The following AFAP1 variants were observed in gnomAD, a reference collection of about 807,000 sequenced individuals.
AFAP1 encodes actin filament associated protein 1, also known as actin filament-associated protein 1.
Under a neutral mutation model 93.9 loss-of-function variants are expected in AFAP1, and 75 were observed. The ratio of observed to expected loss-of-function variants is 0.80; its 90% confidence interval spans 0.66 to 0.97. AFAP1 has a LOEUF of 0.97. AFAP1 is among the 50% of genes least tolerant of loss of function. The pLI, the probability that AFAP1 is intolerant of heterozygous loss-of-function variation, is 0.00. For synonymous variants in AFAP1, 517 were observed against 430.7 expected, an observed-to-expected ratio of 1.20 and a Z score of -2.48; for missense variants, 1,201 against 1,050.8, an observed-to-expected ratio of 1.14 and a Z score of -1.98.
chr4:7,883,356 C>T (rs1471746870), intron 1 of AFAP1, among the ~76,000 whole-genome samples: 3 of 152,060 alleles, frequency 2.0e-5, no homozygotes, highest in Non-Finnish European at 4.4e-5. Context: ...AGTCAATACA[C>T]TTGGAATTGA....
intron 1 of AFAP1, among the ~76,000 whole-genome samples, chr4:7,887,306 C>G (rs755428578): frequency 6.6e-6 from 1 of 151,958 alleles, no homozygotes; most frequent in East Asian, 1.9e-4. Flanking sequence ...ATTTGGGTAT[C>G]TAAGTGTGGG....
At chr4:7,790,404 T>A (rs1717757994) in intron 11 of AFAP1, among the ~76,000 whole-genome samples, 2 of 152,222 alleles carry the variant, frequency 1.3e-5, no homozygotes, top group Admixed American at 1.3e-4. Flanking sequence ...CTTGCCACAT[T>A]TGATTTAGAT....
At chr4:7,855,415 C>T in intron 4 of AFAP1, 51 bp downstream of exon 4, 5 of 1,394,666 alleles carry the variant, frequency 3.6e-6, no homozygotes, top group Non-Finnish European at 4.9e-6. Context: ...GGCTCTGCAA[C>T]AGTCCTGCCA....
intron 1 of AFAP1, among the ~76,000 whole-genome samples, chr4:7,930,198 G>C (rs896442162): frequency 6.6e-6 from 1 of 152,238 alleles, no homozygotes; most frequent in Admixed American, 6.5e-5. Flanking sequence ...ACAGCCAAAT[G>C]CAAGAGACGC....
In AFAP1 at chr4:7,855,555, G is replaced by A. The variant is rs777367454; in HGVS notation, c.245C>T (p.Pro82Leu). 1 of 1,613,744 alleles carries A rather than the reference G, an allele frequency of 6.2e-7. No homozygotes were observed. The highest frequency in any genetic ancestry group is 8.5e-7 in the Non-Finnish European group (1 of 1,179,710). ...QPWLPPDSGPPPLPTSSLPEG... is the reference protein window; with the variant it reads ...QPWLPPDSGPLPLPTSSLPEG... ...TGGGAGGGAGGATGTTGGCAATGGT[G>A]GAGGCCCACTGTCAGGAGGCTGAGG... Residue 82 changes from proline (P) to leucine (L), a missense_variant, in exon 4 of 18, where the codon CCA (proline) becomes CTA (leucine). Pro to Leu is a moderately conservative substitution (Grantham distance 98, BLOSUM62 -3). Coordinates refer to ENST00000420658, the MANE Select transcript of AFAP1 (RefSeq NM_001134647.2).
At chr4:7,868,115 TTGAA>T (rs1716631023) in intron 3 of AFAP1, among the ~76,000 whole-genome samples, 2 of 152,054 alleles carry the variant, frequency 1.3e-5, no homozygotes, top group African/African-American at 4.8e-5. Flanking sequence ...AAATTTGAAT[TTGAA>T]TGCATAAAAC....
intron 1 of AFAP1, among the ~76,000 whole-genome samples, chr4:7,893,693 C>G (rs1339119154): frequency 6.6e-6 from 1 of 151,588 alleles, no homozygotes; most frequent in African/African-American, 2.4e-5. Flanking sequence ...GGGGACACAA[C>G]TCACCACCGG....
In AFAP1 at chr4:7,908,005, C is replaced by T. The variant is rs138963639; in HGVS notation, c.-3+31651G>A. ...GGCGGGAGGATCACCTGATGTCAGA[C>T]GTTCAAGACCAGCCCGGCCAATGCG... is the stretch of plus-strand genomic sequence containing the variant. On this transcript the variant is annotated intron_variant, in intron 1 of 17. Coordinates refer to ENST00000420658, the MANE Select transcript of AFAP1 (RefSeq NM_001134647.2). Among the ~76,000 whole-genome samples the T allele has an allele frequency of 7.3e-3, 1,110 of 152,204 alleles. 18 individuals are homozygous for T. The highest frequency in any genetic ancestry group is 7.5e-3 in the Non-Finnish European group (512 of 68,012).
At chr4:7,778,613 T>G in intron 14 of AFAP1, 149 bp downstream of exon 14, 1 of 776,236 alleles carries the variant, frequency 1.3e-6, no homozygotes, top group Non-Finnish European at 2.3e-6. Flanking sequence ...TGTCCTTCTA[T>G]GTGGCTGATG....
intron 6 of AFAP1, among the ~76,000 whole-genome samples, chr4:7,832,029 C>T (rs986796211): frequency 3.3e-5 from 5 of 152,176 alleles, no homozygotes; most frequent in African/African-American, 9.7e-5. Flanking sequence ...CATGGTAGCA[C>T]TTCGCCCACC....
At chr4:7,766,596 G>A (rs944255465) in intron 17 of AFAP1, among the ~76,000 whole-genome samples, 3 of 126,682 alleles carry the variant, frequency 2.4e-5, no homozygotes, top group Non-Finnish European at 5.2e-5. Context: ...ACTGTGTCAC[G>A]GGAGGGAAAC....
intron 1 of AFAP1, among the ~76,000 whole-genome samples, chr4:7,887,773 T>G (rs923370966): frequency 6.6e-6 from 1 of 152,214 alleles, no homozygotes; most frequent in African/African-American, 2.4e-5. Context: ...CTTAGTACGA[T>G]TATGCTATTA....
chr4:7,830,021 T>C (rs960487176), intron 6 of AFAP1, among the ~76,000 whole-genome samples: 2 of 152,040 alleles, frequency 1.3e-5, no homozygotes, highest in Non-Finnish European at 2.9e-5. Context: ...ATTCATACAA[T>C]AAAATGTTAT....
chr4:7,927,934 G>T (rs1720856155), intron 1 of AFAP1, among the ~76,000 whole-genome samples: 1 of 152,130 alleles, frequency 6.6e-6, no homozygotes, highest in South Asian at 2.1e-4. Flanking sequence ...ATTGTTCTGT[G>T]AAAGTCAAGT....
intron 6 of AFAP1, among the ~76,000 whole-genome samples, chr4:7,822,783 C>T (rs1318253405): frequency 1.1e-4 from 16 of 147,114 alleles, no homozygotes; most frequent in South Asian, 2.1e-4. Context: ...TTAGTAGAGA[C>T]GGGGTTTCAC....
At chr4:7,901,376 G>A (rs1719108984) in intron 1 of AFAP1, among the ~76,000 whole-genome samples, 1 of 152,164 alleles carries the variant, frequency 6.6e-6, no homozygotes, top group African/African-American at 2.4e-5. Context: ...AAAATATGCA[G>A]AGCACCATGA....
intron 1 of AFAP1, among the ~76,000 whole-genome samples, chr4:7,908,866 G>A (rs1416281062): frequency 2.0e-5 from 3 of 152,198 alleles, no homozygotes; most frequent in Non-Finnish European, 2.9e-5. Context: ...TGATGCCCCA[G>A]TACCAGAAGT....
At chr4:7,768,464 T>C (rs966918826) in intron 17 of AFAP1, among the ~76,000 whole-genome samples, 2 of 152,146 alleles carry the variant, frequency 1.3e-5, no homozygotes, top group African/African-American at 2.4e-5. Context: ...TTCCTTTGTT[T>C]TTCTAAAGAA....
intron 1 of AFAP1, among the ~76,000 whole-genome samples, chr4:7,924,989 A>G (rs996741387): frequency 5.9e-5 from 9 of 151,782 alleles, no homozygotes; most frequent in Admixed American, 5.9e-4. Flanking sequence ...AGCCCCCACA[A>G]CAGCCTCCAC....
Sources: allele counts gnomAD v4.1 joint callset (sites outside exome capture counted in the v4.1 genomes callset), GRCh38; gene constraint gnomAD v4.1.1; transcripts MANE v1.5; gene names NCBI Gene and HGNC (gene_info 2026-07-23, HGNC 2026-07-21).